Variants in RXFP2 observed in about 807,000 individuals in gnomAD.
RXFP2 encodes the protein relaxin family peptide receptor 2, also known as relaxin receptor 2.
In RXFP2, 68 loss-of-function variants were observed where a neutral mutation model predicts 88.6. The observed-to-expected ratio is 0.77, with a 90% CI of 0.63 to 0.94. The LOEUF is 0.94. Ranked by LOEUF, RXFP2 falls within the 40% of genes least tolerant of loss-of-function variation. The probability of loss-of-function intolerance (pLI) is 0.00; values close to 1 mark genes in which losing one functional copy is unlikely to be tolerated. For synonymous variants in RXFP2, 329 were observed against 306.8 expected (o/e 1.07, Z -0.76); for missense variants, 791 against 893.9 (o/e 0.88, Z 1.47).
intron 3 of RXFP2, among the ~76,000 whole-genome samples, chr13:31,762,577 T>C (rs1304849719): frequency 6.6e-6 from 1 of 152,164 alleles, no homozygotes; most frequent in African/African-American, 2.4e-5. Flanking sequence ...TGTGTATATG[T>C]AGAGACATAG....
In RXFP2 at chr13:31,739,612, T is replaced by C. The variant is rs369392394; in HGVS notation, c.-1T>C. Reference sequence around the variant, plus strand: ...TCTAATAACTCAATTGCTGTAAACCTATGATTGTTTTTCTGGTTTTTAAAC... The same window carrying C: ...TCTAATAACTCAATTGCTGTAAACCCATGATTGTTTTTCTGGTTTTTAAAC... On this transcript the variant is annotated 5_prime_UTR_variant, in exon 1 of 18. Transcript: ENST00000298386. 6.3e-7 allele frequency: 1 copy of C among 1,580,962 alleles called. No homozygotes were observed. The highest frequency in any genetic ancestry group is 8.7e-7 in the Non-Finnish European group (1 of 1,150,012).
intron 16 of RXFP2, among the ~76,000 whole-genome samples, chr13:31,793,810 A>C (rs1315322389): frequency 6.6e-6 from 1 of 152,054 alleles, no homozygotes; most frequent in Admixed American, 6.6e-5. Flanking sequence ...CCATCCAAGG[A>C]GCCAACAAGC....
At position 31,761,751 on chromosome 13, in the gene RXFP2, T is replaced by A; in HGVS notation, c.269T>A (p.Phe90Tyr). The A allele has an allele frequency of 1.2e-6, 2 of 1,613,278 alleles. No individual in the cohort carries two copies. The highest frequency in any genetic ancestry group is 1.7e-6 in the Non-Finnish European group (2 of 1,179,290). ...CGDTSGWATI[F>Y]GTVHGNANSV... ...GACACTAGTGGATGGGCGACCATAT[T>A]TGGCACAGTGCATGGAAATGCTAAC... is the stretch of plus-strand genomic sequence containing the variant. Residue 90 changes from phenylalanine (F) to tyrosine (Y), a missense_variant, in exon 3 of 18, where the codon TTT (phenylalanine) becomes TAT (tyrosine). Transcript: ENST00000298386.
chr13:31,774,675 T>C lies in RXFP2; in HGVS notation c.553T>C (p.Cys185Arg), dbSNP rs141732674. The C allele has an allele frequency of 1.2e-5, 19 of 1,523,978 alleles. No homozygotes were observed. The Admixed American group carries it at 2.2e-4, about 17-fold the overall frequency. The allele number at this position is 1,523,978 out of a possible 1,614,324, so 94.4% of individuals were successfully genotyped here. ...HISRKAFFGL[C>R]NLQILYLNHN... ...ATCCAGGAAAGCATTTTTTGGATTATGTAATCTGCAAATATTGTGAGTAAC... is the reference window on the plus strand; with the variant it reads ...ATCCAGGAAAGCATTTTTTGGATTACGTAATCTGCAAATATTGTGAGTAAC... The change falls in exon 6 of 18, where the codon TGT (cysteine) becomes CGT (arginine). Residue 185 changes from cysteine (C) to arginine (R), a missense_variant. Transcript: ENST00000298386.
intron 5 of RXFP2, 140 bp from the exon 6 acceptor site, chr13:31,774,480 A>G (rs553953907): frequency 8.8e-6 from 6 of 683,676 alleles, no homozygotes; most frequent in Admixed American, 2.0e-5. Flanking sequence ...CTCACTGACA[A>G]CATCTCCCCA....
chr13:31,739,687 C>T lies in RXFP2; in HGVS notation c.75C>T (p.Ile25=), dbSNP rs773894914. 42 of 1,604,650 alleles carry T rather than the reference C, an allele frequency of 2.6e-5. No individual in the cohort carries two copies. The highest frequency in any genetic ancestry group is 2.3e-4 in the African/African-American group (17 of 74,736). Reference sequence around the variant, plus strand: ...CAATGTTCTTTCTACTTCATTTCATCGTTCTGATCAATGTCAAAGGTAAGG... The same window carrying T: ...CAATGTTCTTTCTACTTCATTTCATTGTTCTGATCAATGTCAAAGGTAAGG... ...LITMFFLLHF[I]VLINVKDFAL... is the part of the protein sequence containing the mutation. The change falls in exon 1 of 18, where the codon ATC becomes ATT. Residue 25 remains isoleucine (I), a synonymous_variant. Transcript: ENST00000298386.
At chr13:31,786,032 T>C (rs1356134754) in intron 11 of RXFP2, among the ~76,000 whole-genome samples, 1 of 152,206 alleles carries the variant, frequency 6.6e-6, no homozygotes, top group Non-Finnish European at 1.5e-5. Flanking sequence ...AGACCACGTA[T>C]ATGAAGCAAG....
chr13:31,789,832 A>AT (rs1873714676), intron 14 of RXFP2, among the ~76,000 whole-genome samples: 1 of 152,220 alleles, frequency 6.6e-6, no homozygotes, highest in Non-Finnish European at 1.5e-5. Context: ...CAGCAAGTGG[A>AT]TGAAATGGTG....
chr13:31,761,557 C>A (rs748172742), intron 2 of RXFP2, among the ~76,000 whole-genome samples, 167 bp from the exon 3 acceptor site: 1 of 152,174 alleles, frequency 6.6e-6, no homozygotes, highest in Non-Finnish European at 1.5e-5. Flanking sequence ...AAAAGGGACA[C>A]CTTGCAGATG....
At chr13:31,786,774 C>T (rs1450000415) in intron 13 of RXFP2, 137 bp downstream of exon 13, 7 of 605,306 alleles carry the variant, frequency 1.2e-5, no homozygotes, top group African/African-American at 2.6e-5. Context: ...CCATCAAGTA[C>T]ATACTGAATG....
Position 31,778,548 on chromosome 13 carries a change from G to A in RXFP2, c.750G>A (p.Lys250=). The change falls in exon 9 of 18, where the codon AAG becomes AAA. Residue 250 remains lysine (K), a synonymous_variant. Coordinates refer to ENST00000298386, the MANE Select transcript of RXFP2 (RefSeq NM_130806.5). ...MVNNYLEALP[K]QMCAQMPQLN... is the part of the protein sequence containing the mutation. Reference sequence around the variant, plus strand: ...ATAACTACTTAGAAGCTCTTCCCAAGCAGATGTGTGCCCAAATGCCTCAAC... The same window carrying A: ...ATAACTACTTAGAAGCTCTTCCCAAACAGATGTGTGCCCAAATGCCTCAAC... The A allele has an allele frequency of 6.2e-7, 1 of 1,611,884 alleles. No homozygotes were observed. The highest frequency in any genetic ancestry group is 1.1e-5 in the South Asian group (1 of 91,024).
chr13:31,754,193 T>C (rs1477986027), intron 1 of RXFP2, among the ~76,000 whole-genome samples: 1 of 152,192 alleles, frequency 6.6e-6, no homozygotes, highest in Non-Finnish European at 1.5e-5. Flanking sequence ...GCCTAGACGT[T>C]CTGCATATGT....
intron 11 of RXFP2, among the ~76,000 whole-genome samples, chr13:31,785,902 G>A (rs762584027): frequency 9.9e-5 from 15 of 152,276 alleles, no homozygotes; most frequent in South Asian, 2.1e-4. Context: ...TATTAAAAGC[G>A]TGTGAACTTA....
chr13:31,797,023 T>C (rs1334935096), intron 16 of RXFP2, among the ~76,000 whole-genome samples, 178 bp from the exon 17 acceptor site: 1 of 152,224 alleles, frequency 6.6e-6, no homozygotes, highest in Non-Finnish European at 1.5e-5. Flanking sequence ...AATTTTGTGT[T>C]TAGACTTGGG....
Position 31,797,241 on chromosome 13 carries a change from T to A in RXFP2, c.1827T>A (p.Tyr609Ter). The change falls in exon 17 of 18, where the codon TAT becomes TAA. Residue 609 changes from tyrosine (Y) to a stop codon, truncating the protein, a stop_gained. Transcript: ENST00000298386. LOFTEE classifies it high-confidence loss of function. ...CTTTTCTCATCATTGTGTTTTCCTA[T>A]ATTACTATGTTCTGTTCCATTCAAA... ...LLAFLIIVFS[Y>*]ITMFCSIQKT... The A allele has an allele frequency of 6.2e-7, 1 of 1,613,972 alleles. No individual in the cohort carries two copies. The highest frequency in any genetic ancestry group is 8.5e-7 in the Non-Finnish European group (1 of 1,179,834).
At chr13:31,799,236 G>A (rs1387450784) in intron 17 of RXFP2, among the ~76,000 whole-genome samples, 1 of 150,380 alleles carries the variant, frequency 6.6e-6, no homozygotes, top group Non-Finnish European at 1.5e-5. Context: ...AAAAAAAATG[G>A]AGTCTCGCTC....
chr13:31,770,691 T>G (rs1265574757), intron 5 of RXFP2, among the ~76,000 whole-genome samples: 2 of 152,154 alleles, frequency 1.3e-5, no homozygotes, highest in Non-Finnish European at 2.9e-5. Context: ...GCCACAGTAT[T>G]CTCTACTGTT....
At position 31,780,019 on chromosome 13, in the gene RXFP2, C is replaced by T. The variant is rs537887242; in HGVS notation, c.785+1436C>T. Among the ~76,000 whole-genome samples the T allele has an allele frequency of 4.6e-5, 7 of 152,200 alleles. No individual in the cohort carries two copies. The East Asian group carries it at 1.4e-3, about 29-fold the overall frequency. Reference sequence around the variant, plus strand: ...ACAAGTGCATATACACAATGGGAAACACACAGGAAAGAGTAAAGGTAGCAG... The same window carrying T: ...ACAAGTGCATATACACAATGGGAAATACACAGGAAAGAGTAAAGGTAGCAG... On this transcript the variant is annotated intron_variant, in intron 9 of 17. Transcript: ENST00000298386.
chr13:31,782,896 C>T, intron 11 of RXFP2, 149 bp downstream of exon 11: 1 of 639,772 alleles, frequency 1.6e-6, no homozygotes, highest in Non-Finnish European at 2.8e-6. Context: ...CAACATTATC[C>T]TGAAGTCCAA....
Sources: gnomAD v4.1 joint callset for allele counts (sites outside exome capture counted in the v4.1 genomes callset) on GRCh38, gnomAD v4.1.1 for gene constraint, MANE v1.5 for transcripts, NCBI Gene and HGNC (gene_info 2026-07-23, HGNC 2026-07-21) for gene names.